The following KLHL32 variants were observed in gnomAD, a reference collection of about 807,000 sequenced individuals.
KLHL32 encodes kelch like family member 32, also known as kelch-like protein 32.
Under a neutral mutation model 64.8 loss-of-function variants are expected in KLHL32, and 35 were observed. That is an observed-to-expected ratio of 0.54 (90% CI 0.41 to 0.72). KLHL32 has a LOEUF of 0.72. Ranked by LOEUF, KLHL32 falls within the 30% of genes least tolerant of loss-of-function variation. The pLI, the probability that KLHL32 is intolerant of heterozygous loss-of-function variation, is 0.00. For synonymous variants in KLHL32, 259 were observed against 281.0 expected, an observed-to-expected ratio of 0.92 and a Z score of 0.78; for missense variants, 589 against 768.5, an observed-to-expected ratio of 0.77 and a Z score of 2.76.
At chr6:96,982,899 C>T (rs1776494715) in intron 3 of KLHL32, among the ~76,000 whole-genome samples, 2 of 152,262 alleles carry the variant, frequency 1.3e-5, no homozygotes, top group South Asian at 4.1e-4. Context: ...TTGCCCTGGC[C>T]ACAACTTCCA....
At chr6:97,103,703 T>C (rs1283948986) in intron 6 of KLHL32, among the ~76,000 whole-genome samples, 1 of 152,246 alleles carries the variant, frequency 6.6e-6, no homozygotes, top group Admixed American at 6.5e-5. Context: ...TGGCCCCACG[T>C]GCATGTGCAC....
At chr6:96,947,514 A>C (rs1031676727) in intron 1 of KLHL32, among the ~76,000 whole-genome samples, 10 of 152,188 alleles carry the variant, frequency 6.6e-5, no homozygotes, top group African/African-American at 2.4e-4. Context: ...TGTGTGATTA[A>C]TGTCATGAGC....
chr6:97,012,708 G>A (rs530468768), intron 3 of KLHL32, among the ~76,000 whole-genome samples: 71 of 152,270 alleles, frequency 4.7e-4, no homozygotes, highest in African/African-American at 1.5e-3. Flanking sequence ...TGGTCTCATA[G>A]TGCCACCTGA....
At chr6:97,087,038 A>G (rs1017658801) in intron 6 of KLHL32, among the ~76,000 whole-genome samples, 1 of 152,210 alleles carries the variant, frequency 6.6e-6, no homozygotes, top group Admixed American at 6.5e-5. Context: ...CTATCCACTT[A>G]AGAGTTATCA....
At chr6:96,908,364 T>C in the KLHL32 span, among the ~76,000 whole-genome samples, 1 of 152,182 alleles carries the variant, frequency 6.6e-6, no homozygotes, top group Non-Finnish European at 1.5e-5. Context: ...AAACGTATAC[T>C]TGTAATGATA....
rs1423049658 is a variant in KLHL32, at chr6:96,976,045, C to A, written c.72C>A (p.His24Gln). ...AGAGGCTCTGCCACTCCGAATCTCA[C>A]AATGACAGTGTCCTGGCAGCGCTGA... ...TGQRLCHSESHNDSVLAALNQ... is the reference protein window; with the variant it reads ...TGQRLCHSESQNDSVLAALNQ... Residue 24 changes from histidine to glutamine, a missense_variant, in exon 3 of 11, where the codon CAC becomes CAA. Around this residue, in one of 3 missense-constraint regions of KLHL32, gnomAD observed 191 missense variants for 223.3 expected, o/e 0.86. Transcript: ENST00000369261. 2 of 1,601,522 alleles carry A rather than the reference C, an allele frequency of 1.2e-6. No homozygotes were observed. The highest frequency in any genetic ancestry group is 2.2e-5 in the South Asian group (2 of 90,148).
At chr6:96,940,418 G>A (rs1771144285) in intron 1 of KLHL32, among the ~76,000 whole-genome samples, 2 of 152,188 alleles carry the variant, frequency 1.3e-5, no homozygotes, top group South Asian at 4.1e-4. Context: ...AATCCTAGAA[G>A]CCAATGCAGT....
chr6:97,089,829 G>A (rs1582990210), intron 6 of KLHL32, among the ~76,000 whole-genome samples: 1 of 152,016 alleles, frequency 6.6e-6, no homozygotes, highest in East Asian at 1.9e-4. Context: ...TAACCTGGGG[G>A]TTGAGGACAC....
At chr6:97,057,721 G>T (rs1021990623) in intron 4 of KLHL32, among the ~76,000 whole-genome samples, 1 of 151,982 alleles carries the variant, frequency 6.6e-6, no homozygotes, top group Non-Finnish European at 1.5e-5. Flanking sequence ...AGTGTATTTT[G>T]TGGAGCAGAA....
intron 1 of KLHL32, among the ~76,000 whole-genome samples, chr6:96,929,907 C>T (rs185454256): frequency 7.2e-5 from 11 of 152,274 alleles, no homozygotes; most frequent in African/African-American, 2.4e-4. Context: ...AGGTTGGAGT[C>T]ACCAACCTGA....
chr6:96,904,163 A>G, the KLHL32 span, among the ~76,000 whole-genome samples: 1 of 151,784 alleles, frequency 6.6e-6, no homozygotes, highest in Non-Finnish European at 1.5e-5. Context: ...CCAACATACT[A>G]AAACCCCGTC....
chr6:97,131,496 A>G (rs998746733), intron 9 of KLHL32, among the ~76,000 whole-genome samples: 1 of 152,176 alleles, frequency 6.6e-6, no homozygotes, highest in African/African-American at 2.4e-5. Context: ...CCACAGAGCA[A>G]CATTAGGTAT....
At chr6:96,947,430 A>G (rs535923185) in intron 1 of KLHL32, among the ~76,000 whole-genome samples, 1 of 152,334 alleles carries the variant, frequency 6.6e-6, no homozygotes, top group Admixed American at 6.5e-5. Context: ...CATGTTAGGA[A>G]CATCGATACA....
intron 4 of KLHL32, among the ~76,000 whole-genome samples, chr6:97,059,887 G>A (rs1465807047): frequency 2.0e-5 from 3 of 151,602 alleles, no homozygotes; most frequent in Non-Finnish European, 2.9e-5. Context: ...TTGCCATTCT[G>A]TAATACTATA....
At chr6:97,048,047 G>A (rs78665952) in intron 4 of KLHL32, among the ~76,000 whole-genome samples, 3,726 of 152,300 alleles carry the variant, frequency 0.024, 52 homozygotes, top group East Asian at 0.071. Flanking sequence ...TACATGTAGT[G>A]GAGGAAGGGT....
intron 7 of KLHL32, among the ~76,000 whole-genome samples, chr6:97,124,060 A>T (rs1402491572): frequency 1.3e-5 from 2 of 152,234 alleles, no homozygotes; most frequent in Non-Finnish European, 2.9e-5. Flanking sequence ...TAACACTGCT[A>T]AAGAAATGTG....
At chr6:97,083,531 G>A (rs1029951793) in intron 5 of KLHL32, among the ~76,000 whole-genome samples, 19 of 152,294 alleles carry the variant, frequency 1.2e-4, no homozygotes, top group African/African-American at 4.6e-4. Context: ...TGCCTTGGTT[G>A]CCTCCAGGTG....
intron 6 of KLHL32, among the ~76,000 whole-genome samples, chr6:97,087,928 C>T (rs868035413): frequency 1.3e-5 from 2 of 152,132 alleles, no homozygotes; most frequent in African/African-American, 2.4e-5. Flanking sequence ...ATGCAGGCCA[C>T]GGTAATCATT....
chr6:97,090,622 C>G (rs1378240841), intron 6 of KLHL32, among the ~76,000 whole-genome samples: 4 of 152,206 alleles, frequency 2.6e-5, no homozygotes, highest in Non-Finnish European at 4.4e-5. Context: ...CCAAATGTAC[C>G]TCTGGCCAGG....
Sources: gnomAD v4.1 joint callset for allele counts (sites outside exome capture counted in the v4.1 genomes callset) on GRCh38, gnomAD v4.1.1 for gene constraint, gnomAD v4.1.1 regional missense constraint, MANE v1.5 for transcripts, NCBI Gene and HGNC (gene_info 2026-07-23, HGNC 2026-07-21) for gene names.